CRBN: variants seen among roughly 807,000 people sequenced by gnomAD.
The protein encoded by CRBN is cereblon.
Under a neutral mutation model 62.2 loss-of-function variants are expected in CRBN, and 53 were observed. The observed-to-expected ratio is 0.85, with a 90% confidence interval of 0.68 to 1.07. The LOEUF is 1.07. Among genes scored for constraint, CRBN ranks in the 50% least tolerant of loss-of-function variants. CRBN has a pLI of 0.00. For synonymous variants in CRBN, 208 were observed against 176.1 expected, an observed-to-expected ratio of 1.18 and a Z score of -1.43; for missense variants, 616 against 531.1, an observed-to-expected ratio of 1.16 and a Z score of -1.57.
intron 9 of CRBN, chr3:3,153,104 A>C: frequency 3.1e-6 from 1 of 323,186 alleles, no homozygotes; most frequent in South Asian, 3.4e-5. Context: ...ACTGAAATGT[A>C]ATTTCTGAAG....
intron 5 of CRBN, among the ~76,000 whole-genome samples, chr3:3,157,005 C>T (rs146329126): frequency 5.9e-5 from 9 of 152,292 alleles, no homozygotes; most frequent in Non-Finnish European, 1.0e-4. Flanking sequence ...AGACTCAATA[C>T]TGTTAAGATG....
At position 3,179,067 on chromosome 3, in the gene CRBN, G is replaced by T. The variant is rs185360927; in HGVS notation, c.67+554C>A. Among the ~76,000 whole-genome samples the T allele has an allele frequency of 1.2e-4, 18 of 152,256 alleles. No individual in the cohort carries two copies. The East Asian group carries it at 1.3e-3, about 11-fold the overall frequency. ...AGAGATATAATGACAGACACACCCGGGTTGGAATCCTGACTCTGCTGTGTG... is the reference window on the plus strand; with the variant it reads ...AGAGATATAATGACAGACACACCCGTGTTGGAATCCTGACTCTGCTGTGTG... On this transcript the variant is annotated intron_variant, in intron 1 of 10. Transcript: ENST00000231948.
At chr3:3,165,385 T>G (rs1054722745) in intron 5 of CRBN, among the ~76,000 whole-genome samples, 1 of 152,168 alleles carries the variant, frequency 6.6e-6, no homozygotes, top group Non-Finnish European at 1.5e-5. Context: ...AGAGGGATCT[T>G]TTGTGAAAGG....
chr3:3,164,681 T>C lies in CRBN; in HGVS notation c.687+2953A>G, dbSNP rs140927336. On this transcript the variant is annotated intron_variant, in intron 5 of 10. Coordinates refer to ENST00000231948, the MANE Select transcript of CRBN (RefSeq NM_016302.4). ...GACCTACTGCTCAGAAAAGACTCTT[T>C]ATAATTATTACTGCTCATTGACAAT... Among the ~76,000 whole-genome samples the C allele has an allele frequency of 1.4e-3, 209 of 152,330 alleles. 2 individuals carry two copies. The highest frequency in any genetic ancestry group is 4.8e-3 in the African/African-American group (199 of 41,582).
chr3:3,176,169 T>C (rs1707818160), intron 1 of CRBN, among the ~76,000 whole-genome samples: 1 of 152,188 alleles, frequency 6.6e-6, no homozygotes, highest in African/African-American at 2.4e-5. Context: ...GGGAGATTTT[T>C]CTCTTCTCCC....
intron 1 of CRBN, among the ~76,000 whole-genome samples, chr3:3,176,502 G>A (rs1458335477): frequency 2.0e-5 from 3 of 152,288 alleles, no homozygotes; most frequent in South Asian, 2.1e-4. Flanking sequence ...TTGGGAGGAC[G>A]AGGCAGGCAG....
At chr3:3,179,020 A>G (rs1426486335) in intron 1 of CRBN, among the ~76,000 whole-genome samples, 2 of 152,230 alleles carry the variant, frequency 1.3e-5, no homozygotes, top group African/African-American at 4.8e-5. Flanking sequence ...ATAGTAAGAA[A>G]AACAAAACAG....
intron 5 of CRBN, among the ~76,000 whole-genome samples, chr3:3,161,058 G>A (rs1707120085): frequency 6.6e-6 from 1 of 152,072 alleles, no homozygotes; most frequent in Admixed American, 6.5e-5. Flanking sequence ...CCTTTGCATG[G>A]GAACGTCATT....
chr3:3,153,999 A>G lies in CRBN; in HGVS notation c.912T>C (p.Ala304=), dbSNP rs1706757506. The change falls in exon 8 of 11, where the codon GCT becomes GCC. Residue 304 remains alanine (A), a synonymous_variant. Coordinates refer to ENST00000231948, the MANE Select transcript of CRBN (RefSeq NM_016302.4). ...LRIQLLKIGS[A]IQRLRCELDI... is the part of the protein sequence containing the mutation. The stretch of plus-strand genomic sequence containing the variant: ...CTAATTCACAGCGAAGTCGCTGGAT[A>G]GCACTGCCAATTTTAAGGAGCTGAA... The G allele has an allele frequency of 6.2e-7, 1 of 1,613,024 alleles. No homozygotes were observed. The highest frequency in any genetic ancestry group is 1.3e-5 in the African/African-American group (1 of 75,024).
At chr3:3,153,390 G>A (rs1256921020) in intron 9 of CRBN, 34 bp downstream of exon 9, 3 of 1,142,580 alleles carry the variant, frequency 2.6e-6, no homozygotes, top group Non-Finnish European at 4.0e-6. Flanking sequence ...ATTCTGATAA[G>A]GCAAGTATAT....
intron 4 of CRBN, among the ~76,000 whole-genome samples, chr3:3,169,157 T>C (rs11917555): frequency 0.044 from 6,646 of 152,278 alleles, 234 homozygotes; most frequent in African/African-American, 0.1. Flanking sequence ...TTACAGATCA[T>C]GTTAATTAGT....
chr3:3,153,345 A>C (rs1479568379), intron 9 of CRBN, 79 bp downstream of exon 9: 1 of 862,170 alleles, frequency 1.2e-6, no homozygotes, highest in African/African-American at 1.7e-5. Context: ...ACTGGAGGAA[A>C]GTTTATGGAA....
intron 5 of CRBN, among the ~76,000 whole-genome samples, chr3:3,165,517 C>T (rs998265314): frequency 6.6e-6 from 1 of 152,086 alleles, no homozygotes; most frequent in East Asian, 1.9e-4. Context: ...AGACTATCCA[C>T]CAGCAAAAAA....
At chr3:3,151,147 G>T (rs1396187166) in intron 10 of CRBN, 102 bp from the exon 11 acceptor site, 1 of 1,199,852 alleles carries the variant, frequency 8.3e-7, no homozygotes, top group African/African-American at 1.5e-5. Context: ...AAATTCTAAG[G>T]ATTAGAGATT....
intron 1 of CRBN, among the ~76,000 whole-genome samples, chr3:3,177,044 C>G (rs1707851752): frequency 6.6e-6 from 1 of 152,148 alleles, no homozygotes; most frequent in African/African-American, 2.4e-5. Context: ...GTCCTACTGG[C>G]ATCTAGTGGG....
In CRBN at chr3:3,150,919, C is replaced by G. The variant is rs369965416; in HGVS notation, c.1275G>C (p.Thr425=). 7 of 1,613,790 alleles carry G rather than the reference C, an allele frequency of 4.3e-6. No homozygotes were observed. The highest frequency in any genetic ancestry group is 1.3e-5 in the African/African-American group (1 of 74,872). Reference sequence around the variant, plus strand: ...TTATTTCATCTTCAGTGTCTGGGATCGTGGGCAACAGAGCAGATCGCGTTA... The same window carrying G: ...TTATTTCATCTTCAGTGTCTGGGATGGTGGGCAACAGAGCAGATCGCGTTA... The part of the protein sequence containing the change: ...WGLTRSALLP[T]IPDTEDEISP... Residue 425 remains threonine (T), a synonymous_variant, in exon 11 of 11, where the codon ACG becomes ACC. Transcript: ENST00000231948.
chr3:3,151,827 GCAAA>G (rs10659250), intron 10 of CRBN, among the ~76,000 whole-genome samples: 4 of 147,590 alleles, frequency 2.7e-5, no homozygotes, highest in African/African-American at 1.0e-4. Context: ...TTAAGCTGAA[GCAAA>G]CAAACAAAAG....
intron 3 of CRBN, chr3:3,173,739 C>G: frequency 3.1e-6 from 1 of 326,386 alleles, no homozygotes. Context: ...TAAAAAAGCA[C>G]TACTTCTCTA....
chr3:3,172,639 G>C (rs1409219117), intron 4 of CRBN, 137 bp downstream of exon 4: 2 of 884,820 alleles, frequency 2.3e-6, no homozygotes, highest in African/African-American at 3.3e-5. Flanking sequence ...GAAACCACTG[G>C]GCTATACCTT....
Sources: allele counts gnomAD v4.1 joint callset (sites outside exome capture counted in the v4.1 genomes callset), GRCh38; gene constraint gnomAD v4.1.1; transcripts MANE v1.5; gene names NCBI Gene and HGNC (gene_info 2026-07-23, HGNC 2026-07-21).